SDCBP: variants seen among roughly 807,000 people sequenced by gnomAD.
SDCBP encodes syntenin-1.
A neutral mutation model predicts 30.5 loss-of-function variants in SDCBP; 22 were observed. That is an observed-to-expected ratio of 0.72 (90% CI 0.52 to 1.03). The LOEUF is 1.03. Ranked by LOEUF, SDCBP falls within the 50% of genes least tolerant of loss-of-function variation. SDCBP has a pLI of 0.00. For synonymous variants in SDCBP, 103 were observed against 118.7 expected (o/e 0.87, Z 0.86); for missense variants, 304 against 369.9 (o/e 0.82, Z 1.46).
intron 2 of SDCBP, among the ~76,000 whole-genome samples, chr8:58,568,234 T>G (rs1411324520): frequency 1.3e-5 from 2 of 152,212 alleles, no homozygotes; most frequent in Admixed American, 1.3e-4. Context: ...TCCTATTTTT[T>G]AAATTTTTAG....
Position 58,575,999 on chromosome 8 carries a change from G to A in SDCBP, c.340G>A (p.Glu114Lys). 1 of 1,613,704 alleles carries A rather than the reference G, an allele frequency of 6.2e-7. No homozygotes were observed. The highest frequency in any genetic ancestry group is 8.5e-7 in the Non-Finnish European group (1 of 1,179,752). The change falls in exon 5 of 9, where the codon GAA becomes AAA. Residue 114 changes from glutamate to lysine, a missense_variant. Physicochemically the swap from Glu to Lys is moderately conservative, Grantham distance 56 (BLOSUM62 1). Transcript: ENST00000260130. ...RRAEIKQGIR[E>K]VILCKDQDGK... ...AGCAGAAATTAAGCAAGGGATTCGT[G>A]AAGTCATTTTGTGTAAGGATCAAGA... is the stretch of plus-strand genomic sequence containing the variant.
chr8:58,582,629 A>C lies in SDCBP; in HGVS notation c.*889A>C, dbSNP rs941823627. On this transcript the variant is annotated 3_prime_UTR_variant, in exon 9 of 9. Transcript: ENST00000260130. ...TAAACTTTTGACTCCCCTTTTGTTC[A>C]TTTGTGGATTAAGTGGTATAATACT... 3.3e-5 allele frequency: 5 copies of C among 152,544 alleles called. No homozygotes were observed. The highest frequency in any genetic ancestry group is 5.9e-5 in the Non-Finnish European group (4 of 68,012). 9.4% of individuals were successfully genotyped at this position (152,544 alleles called of 1,614,324 possible). A position where few individuals can be genotyped will look rare whatever the true frequency, so the allele number is the denominator to read the frequency against.
At chr8:58,559,603 G>A (rs1563503613) in intron 1 of SDCBP, among the ~76,000 whole-genome samples, 1 of 151,132 alleles carries the variant, frequency 6.6e-6, no homozygotes, top group Non-Finnish European at 1.5e-5. Flanking sequence ...CTTAAGGACT[G>A]TACCAGGCCA....
Position 58,571,475 on chromosome 8 carries a change from C to T in SDCBP, c.130+510C>T, listed in dbSNP as rs189655298. ...GTTCAGAGGGATTCAGGACAGAGCT[C>T]CTAAATACTATGACTTAAGATACAA... On this transcript the variant is annotated intron_variant, in intron 3 of 8. Coordinates refer to ENST00000260130, the MANE Select transcript of SDCBP (RefSeq NM_005625.4). Among the ~76,000 whole-genome samples, 669 of 152,210 alleles carry T rather than the reference C, an allele frequency of 4.4e-3. 6 individuals carry two copies. Among genetic ancestry groups the T allele is most frequent in the Middle Eastern group, 0.014 (4 of 294 alleles).
intron 1 of SDCBP, among the ~76,000 whole-genome samples, chr8:58,563,898 G>A (rs189805150): frequency 1.2e-4 from 18 of 152,270 alleles, no homozygotes; most frequent in Admixed American, 5.9e-4. Flanking sequence ...GGAATTTGCT[G>A]CAGAAGCCAC....
intron 2 of SDCBP, 102 bp from the exon 3 acceptor site, chr8:58,570,785 G>A (rs1804969793): frequency 1.4e-6 from 1 of 736,480 alleles, no homozygotes; most frequent in Non-Finnish European, 2.2e-6. Flanking sequence ...AATCTTCATT[G>A]TTTTAGTTTC....
Position 58,558,522 on chromosome 8 carries a change from A to G in SDCBP, c.-16+5219A>G, listed in dbSNP as rs1400306386. Among the ~76,000 whole-genome samples, 3 of 152,280 alleles carry G rather than the reference A, an allele frequency of 2.0e-5. No homozygotes were observed. In the East Asian group the frequency reaches 5.8e-4, roughly 29 times the overall value. ...GGTCGCAAACTCCTGGGCTCAAGTG[A>G]TCCACCTACCTTTTTCTCCCAAACT... On this transcript the variant is annotated intron_variant, in intron 1 of 8. Transcript: ENST00000260130.
Position 58,572,215 on chromosome 8 carries a change from C to T in SDCBP, c.141C>T (p.Pro47=), listed in dbSNP as rs1805064860. The stretch of plus-strand genomic sequence containing the variant: ...TCATTTACTTTTTAGATCTCTATCC[C>T]AGACTGTATCCAGAGCTCTCTCAAT... The part of the protein sequence containing the change: ...APIPHDGNLY[P]RLYPELSQYM... Residue 47 remains proline (P), a synonymous_variant, in exon 4 of 9, where the codon CCC becomes CCT. Transcript: ENST00000260130. 2.5e-6 allele frequency: 4 copies of T among 1,599,812 alleles called. 1 individual carries two copies. In the South Asian group the frequency reaches 3.3e-5, roughly 13 times the overall value.
intron 1 of SDCBP, among the ~76,000 whole-genome samples, chr8:58,556,256 G>A (rs1386870429): frequency 2.0e-5 from 3 of 152,160 alleles, no homozygotes; most frequent in Admixed American, 6.5e-5. Context: ...CACGAGGAGC[G>A]TTTAACCTAG....
At chr8:58,563,856 G>C (rs1439416082) in intron 1 of SDCBP, among the ~76,000 whole-genome samples, 1 of 152,158 alleles carries the variant, frequency 6.6e-6, no homozygotes, top group Non-Finnish European at 1.5e-5. Context: ...CATGCTTCTG[G>C]AACTTATTCT....
In SDCBP at chr8:58,581,824, C is replaced by T. The variant is rs181823693; in HGVS notation, c.*84C>T. ...CTGTATTATGCACGTGAAGCCTTCCCGGAGCCAGCGAGCATATGCTGCATG... is the reference window on the plus strand; with the variant it reads ...CTGTATTATGCACGTGAAGCCTTCCTGGAGCCAGCGAGCATATGCTGCATG... On this transcript the variant is annotated 3_prime_UTR_variant, in exon 9 of 9. Transcript: ENST00000260130. 1.0e-3 allele frequency: 1,109 copies of T among 1,113,154 alleles called. 7 individuals are homozygous for T. Among genetic ancestry groups the T allele is most frequent in the East Asian group, 4.2e-4 (18 of 42,450 alleles). The allele number at this position is 1,113,154 out of a possible 1,614,324, so 69.0% of individuals were successfully genotyped here. A position where few individuals can be genotyped will look rare whatever the true frequency, so the allele number is the denominator to read the frequency against.
intron 1 of SDCBP, among the ~76,000 whole-genome samples, chr8:58,562,227 CAT>C (rs759846272): frequency 6.6e-6 from 1 of 151,920 alleles, no homozygotes. Context: ...AATCAAAAGA[CAT>C]AGAGGGGATG....
intron 1 of SDCBP, among the ~76,000 whole-genome samples, chr8:58,554,375 G>A (rs1015185020): frequency 7.2e-5 from 11 of 152,144 alleles, no homozygotes; most frequent in Non-Finnish European, 1.3e-4. Flanking sequence ...AAGATTGAGG[G>A]ATAACGGTAG....
intron 4 of SDCBP, 45 bp from the exon 5 acceptor site, chr8:58,575,855 G>A: frequency 6.8e-7 from 1 of 1,477,346 alleles, no homozygotes; most frequent in Non-Finnish European, 9.2e-7. Flanking sequence ...TTTTTTTCAA[G>A]GAGAGTGTTT....
chr8:58,557,093 CATATATT>C (rs1804166213), intron 1 of SDCBP, among the ~76,000 whole-genome samples: 1 of 120,554 alleles, frequency 8.3e-6, no homozygotes, highest in South Asian at 2.5e-4. Context: ...TAATTTATAC[CATATATT>C]ATATATTATA....
At chr8:58,556,494 T>A (rs12335008) in intron 1 of SDCBP, among the ~76,000 whole-genome samples, 47,898 of 152,050 alleles carry the variant, frequency 0.32, 7,752 homozygotes, top group East Asian at 0.55. Flanking sequence ...ATAAACATTA[T>A]TTCACCTTAA....
chr8:58,570,850 T>G (rs375893230), intron 2 of SDCBP, 37 bp from the exon 3 acceptor site: 1 of 1,374,764 alleles, frequency 7.3e-7, no homozygotes, highest in Non-Finnish European at 1.0e-6. Flanking sequence ...AAAGTAAGTA[T>G]AGCATATTGT....
intron 1 of SDCBP, among the ~76,000 whole-genome samples, chr8:58,560,114 C>T (rs993838404): frequency 2.0e-5 from 3 of 151,864 alleles, no homozygotes; most frequent in Non-Finnish European, 2.9e-5. Context: ...CATGGTCCCT[C>T]CCCCTCCCTC....
At chr8:58,561,627 A>C (rs1019797237) in intron 1 of SDCBP, 3 of 485,612 alleles carry the variant, frequency 6.2e-6, no homozygotes, top group Non-Finnish European at 1.1e-5. Context: ...CTTTAAAAGT[A>C]AAAGAGAAAT....
Sources: allele counts gnomAD v4.1 joint callset (sites outside exome capture counted in the v4.1 genomes callset), GRCh38; gene constraint gnomAD v4.1.1; transcripts MANE v1.5; gene names NCBI Gene and HGNC (gene_info 2026-07-23, HGNC 2026-07-21).